OGT: variants seen among roughly 807,000 people sequenced by gnomAD.
OGT encodes the protein O-linked N-acetylglucosamine (GlcNAc) transferase.
In OGT, 3 loss-of-function variants were observed where a neutral mutation model predicts 75.8. The observed-to-expected ratio is 0.04, with a 90% confidence interval of 0.02 to 0.10. The LOEUF (loss-of-function observed/expected upper bound fraction) is 0.10. Ranked by LOEUF, OGT falls within the 10% of genes least tolerant of loss-of-function variation. OGT has a pLI of 1.00. For synonymous variants in OGT, 257 were observed against 289.7 expected, an observed-to-expected ratio of 0.89 and a Z score of 1.15; for missense variants, 260 against 824.4, an observed-to-expected ratio of 0.32 and a Z score of 8.38.
chrX:71,536,145 C>T, intron 1 of OGT, 33 bp from the exon 2 acceptor site: 5 of 1,137,544 alleles, frequency 4.4e-6, no homozygotes, highest in Admixed American at 2.7e-5. Flanking sequence ...GTTTTCCCCC[C>T]TCCTTCCCTC....
In OGT at chrX:71,573,814, A is replaced by G. The variant is rs1176864738; in HGVS notation, c.*20A>G. ...GCATAAATAAAGACTGCACAGGAGA[A>G]TTACCCCTATACCTGAGCCTCAACC... On this transcript the variant is annotated 3_prime_UTR_variant, in exon 22 of 22. Coordinates refer to ENST00000373719, the MANE Select transcript of OGT (RefSeq NM_181672.3). 1 of 1,149,059 alleles carries G rather than the reference A, an allele frequency of 8.7e-7. No homozygotes were observed. Among genetic ancestry groups the G allele is most frequent in the Non-Finnish European group, 1.2e-6 (1 of 855,183 alleles). 94.7% of individuals were successfully genotyped at this position (1,149,059 alleles called of 1,213,427 possible).
intron 5 of OGT, among the ~76,000 whole-genome samples, chrX:71,548,634 T>C (rs751972465): frequency 5.0e-4 from 56 of 111,692 alleles, no homozygotes; most frequent in African/African-American, 1.8e-3. Flanking sequence ...AGCTGGAGTT[T>C]ATTATCTTAA....
At chrX:71,555,835 A>C (rs1309739597) in intron 7 of OGT, 119 bp from the exon 8 acceptor site, 2 of 905,554 alleles carry the variant, frequency 2.2e-6, no homozygotes, top group Non-Finnish European at 1.5e-6. Flanking sequence ...GAATACCAAA[A>C]AATATCAATT....
At chrX:71,552,897 C>A (rs910743844) in intron 5 of OGT, among the ~76,000 whole-genome samples, 2 of 110,867 alleles carry the variant, frequency 1.8e-5, no homozygotes, top group African/African-American at 3.3e-5. Flanking sequence ...TAAGATCAAA[C>A]ATGATATATG....
chrX:71,547,175 C>A lies in OGT; in HGVS notation c.532-732C>A, dbSNP rs1168236424. ...CTTCAGTCCTCCTTGGGAGACGGGG[C>A]ATTGTGAGAATGTAACTTAAAGCCT... is the stretch of plus-strand genomic sequence containing the variant. On this transcript the variant is annotated intron_variant, in intron 4 of 21. Coordinates refer to ENST00000373719, the MANE Select transcript of OGT (RefSeq NM_181672.3). 5 of 754,132 alleles carry A rather than the reference C, an allele frequency of 6.6e-6. No homozygotes were observed. In the South Asian group the frequency reaches 2.7e-4, roughly 41 times the overall value. 62.1% of individuals were successfully genotyped at this position (754,132 alleles called of 1,213,427 possible).
In OGT at chrX:71,559,409, A is replaced by G. The variant is rs1459766106; in HGVS notation, c.1745A>G (p.Asn582Ser). Residue 582 changes from asparagine to serine, a missense_variant, in exon 13 of 22, where the codon AAT becomes AGT. Physicochemically the swap from Asn to Ser is conservative, Grantham distance 46. Coordinates refer to ENST00000373719, the MANE Select transcript of OGT (RefSeq NM_181672.3). ...HLMQSIPGMH[N>S]PDKFEVFCYA... is the part of the protein sequence containing the mutation. ...ATGCAGTCTATTCCAGGCATGCACA[A>G]TCCTGATAAATTTGAGGTAAGACTA... 2 of 1,206,401 alleles carry G rather than the reference A, an allele frequency of 1.7e-6. No homozygotes were observed. The highest frequency in any genetic ancestry group is 2.2e-6 in the Non-Finnish European group (2 of 893,176).
At chrX:71,565,866 C>T (rs2040413299) in intron 19 of OGT, among the ~76,000 whole-genome samples, 1 of 112,438 alleles carries the variant, frequency 8.9e-6, no homozygotes, top group Non-Finnish European at 1.9e-5. Flanking sequence ...AGTTCGCCAA[C>T]TCCTGGTCTA....
chrX:71,553,386 G>A (rs1333837556), intron 5 of OGT, among the ~76,000 whole-genome samples: 2 of 111,698 alleles, frequency 1.8e-5, no homozygotes, highest in Non-Finnish European at 3.8e-5. Flanking sequence ...GAGCCACCGC[G>A]CCCAGCAGAT....
At position 71,555,833 on chromosome X, in the gene OGT, A is replaced by G. The variant is rs73217067; in HGVS notation, c.925-121A>G. 2.9e-3 allele frequency: 2,634 copies of G among 898,143 alleles called. 8 individuals carry two copies. Among genetic ancestry groups the G allele is most frequent in the Non-Finnish European group, 3.8e-3 (2,476 of 655,685 alleles). 74.0% of individuals were successfully genotyped at this position (898,143 alleles called of 1,213,427 possible). A position where few individuals can be genotyped will look rare whatever the true frequency, so the allele number is the denominator to read the frequency against. On this transcript the variant is annotated intron_variant, in intron 7 of 21. Transcript: ENST00000373719. ...GTTTTGGTTGAGGGTAAGAATACCA[A>G]AAAATATCAATTTTCTGTAGCATTA...
At chrX:71,568,863 A>C (rs112347243) in intron 21 of OGT, among the ~76,000 whole-genome samples, 3,616 of 106,829 alleles carry the variant, frequency 0.034, 60 homozygotes, top group Non-Finnish European at 0.05. Flanking sequence ...AACAAACAAA[A>C]AAAAAACCAA....
chrX:71,551,930 G>T (rs950454792), intron 5 of OGT, among the ~76,000 whole-genome samples: 6 of 111,037 alleles, frequency 5.4e-5, no homozygotes, highest in African/African-American at 2.0e-4. Flanking sequence ...CTTTTAGGCC[G>T]GGTGCGGTAG....
chrX:71,555,087 A>T, intron 6 of OGT, 103 bp from the exon 7 acceptor site: 1 of 566,390 alleles, frequency 1.8e-6, no homozygotes, highest in East Asian at 3.7e-5. Context: ...GATATAGTAC[A>T]GCTTGAATGA....
chrX:71,538,124 CAT>C, intron 3 of OGT, 52 bp downstream of exon 3: 4 of 1,165,472 alleles, frequency 3.4e-6, no homozygotes, highest in South Asian at 1.9e-5. Context: ...CAGAAAGAAA[CAT>C]AGTGTGATAT....
At chrX:71,539,553 C>G (rs2040202993) in intron 3 of OGT, among the ~76,000 whole-genome samples, 1 of 111,540 alleles carries the variant, frequency 9.0e-6, no homozygotes, top group Non-Finnish European at 1.9e-5. Flanking sequence ...TTGGAGGTAG[C>G]AAATGAAACT....
chrX:71,554,645 C>T, intron 6 of OGT, 53 bp downstream of exon 6: 2 of 983,095 alleles, frequency 2.0e-6, no homozygotes, highest in South Asian at 2.0e-5. Flanking sequence ...TGTATTGACA[C>T]TTGACAGTTT....
chrX:71,544,407 A>G lies in OGT; in HGVS notation c.463-160A>G, dbSNP rs752932318. Among the ~76,000 whole-genome samples the G allele has an allele frequency of 1.7e-4, 19 of 111,976 alleles. No individual in the cohort carries two copies. The South Asian group carries it at 7.0e-3, about 41-fold the overall frequency. On this transcript the variant is annotated intron_variant, in intron 3 of 21. Coordinates refer to ENST00000373719, the MANE Select transcript of OGT (RefSeq NM_181672.3). ...TTTTTGGAACTTTTTGGGATTTGGA[A>G]TTGTGGATGAGGGGTTGTGGTCCTG... is the stretch of plus-strand genomic sequence containing the variant.
chrX:71,551,009 G>A (rs1029005826), intron 5 of OGT, among the ~76,000 whole-genome samples: 3 of 111,184 alleles, frequency 2.7e-5, no homozygotes, highest in Non-Finnish European at 5.7e-5. Flanking sequence ...TGTTAATAAT[G>A]TATATTTCAA....
intron 1 of OGT, 58 bp from the exon 2 acceptor site, chrX:71,536,120 C>T: frequency 3.8e-6 from 4 of 1,054,175 alleles, no homozygotes; most frequent in Non-Finnish European, 5.1e-6. Context: ...TTTTGGTTTA[C>T]ATTTCTAACT....
chrX:71,539,331 C>T (rs2040201211), intron 3 of OGT, among the ~76,000 whole-genome samples: 1 of 112,207 alleles, frequency 8.9e-6, no homozygotes, highest in African/African-American at 3.2e-5. Context: ...TTAAACGTGT[C>T]CTTTTTAGAA....
Sources: allele counts gnomAD v4.1 joint callset (sites outside exome capture counted in the v4.1 genomes callset), GRCh38; gene constraint gnomAD v4.1.1; transcripts MANE v1.5; gene names NCBI Gene and HGNC (gene_info 2026-07-23, HGNC 2026-07-21).